The following SHCBP1 variants were observed in gnomAD, a reference collection of about 807,000 sequenced individuals.
SHCBP1 encodes SHC binding and spindle associated 1.
SHCBP1 carries 60 observed loss-of-function variants against 75.1 expected under a neutral mutation model. That is an observed-to-expected ratio of 0.80 (90% CI 0.65 to 0.99). SHCBP1 has a LOEUF of 0.99. Among genes scored for constraint, SHCBP1 ranks in the 50% least tolerant of loss-of-function variants. The probability of loss-of-function intolerance (pLI) is 0.00; values close to 1 mark genes in which losing one functional copy is unlikely to be tolerated. For synonymous variants in SHCBP1, 290 were observed against 293.2 expected (o/e 0.99, Z 0.11); for missense variants, 709 against 809.4 (o/e 0.88, Z 1.50).
In SHCBP1 at chr16:46,579,190, A is replaced by G. The variant is rs1964834890; in HGVS notation, c.*2539T>C. 6.6e-6 allele frequency among the ~76,000 whole-genome samples: 1 copy of G among 152,202 alleles called. No homozygotes were observed. Among genetic ancestry groups the G allele is most frequent in the Non-Finnish European group, 1.5e-5 (1 of 68,032 alleles). On this transcript the variant is annotated 3_prime_UTR_variant, in exon 13 of 13. Transcript: ENST00000303383. ...ACTAAGAGTGGACCATAAGGACAGG[A>G]CACACAATTAGTCAACACAGAAGGC...
chr16:46,581,835 A>G lies in SHCBP1; in HGVS notation c.1913T>C (p.Ile638Thr). The G allele has an allele frequency of 6.2e-7, 1 of 1,614,158 alleles. No individual in the cohort carries two copies. Residue 638 changes from isoleucine to threonine, a missense_variant, in exon 13 of 13, where the codon ATC becomes ACC. Ile to Thr is a moderately conservative substitution (Grantham distance 89). Coordinates refer to ENST00000303383, the MANE Select transcript of SHCBP1 (RefSeq NM_024745.5). ...IKKKRLSELG[I>T]TQADDNLMSQ... Reference sequence around the variant, plus strand: ...CATTAAGTTGTCATCAGCTTGCGTGATCCCCAGTTCACTCAACCTTTTCTT... The same window carrying G: ...CATTAAGTTGTCATCAGCTTGCGTGGTCCCCAGTTCACTCAACCTTTTCTT...
In SHCBP1 at chr16:46,609,609, G is replaced by A. The variant is rs112797488; in HGVS notation, c.597-1220C>T. Among the ~76,000 whole-genome samples, 492 of 151,714 alleles carry A rather than the reference G, an allele frequency of 3.2e-3. 2 individuals carry two copies. Among genetic ancestry groups the A allele is most frequent in the Non-Finnish European group, 5.5e-3 (376 of 67,904 alleles). ...TGGGATTACAGGCAACCGCCACCACGCCTGGCTTATTTTTGTACTTTTAGT... is the reference window on the plus strand; with the variant it reads ...TGGGATTACAGGCAACCGCCACCACACCTGGCTTATTTTTGTACTTTTAGT... On this transcript the variant is annotated intron_variant, in intron 4 of 12. Transcript: ENST00000303383.
intron 3 of SHCBP1, 24 bp downstream of exon 3, chr16:46,617,610 G>T (rs368073944): frequency 2.5e-6 from 4 of 1,584,432 alleles, no homozygotes; most frequent in Non-Finnish European, 2.6e-6. Flanking sequence ...AGAGACAAAG[G>T]TCTAATAACA....
At chr16:46,584,527 T>C (rs1964926756) in intron 10 of SHCBP1, among the ~76,000 whole-genome samples, 1 of 152,162 alleles carries the variant, frequency 6.6e-6, no homozygotes, top group Non-Finnish European at 1.5e-5. Context: ...AATTTGAGGA[T>C]AGAAACAAGA....
At chr16:46,594,652 A>G (rs1248485900) in intron 10 of SHCBP1, among the ~76,000 whole-genome samples, 1 of 152,196 alleles carries the variant, frequency 6.6e-6, no homozygotes, top group Non-Finnish European at 1.5e-5. Flanking sequence ...GTAGGATGGT[A>G]CAACTACTCT....
At chr16:46,595,509 A>C in intron 10 of SHCBP1, 43 bp downstream of exon 10, 1 of 1,458,738 alleles carries the variant, frequency 6.9e-7, no homozygotes. Flanking sequence ...TTCATTTACA[A>C]CTTAAACACA....
intron 4 of SHCBP1, among the ~76,000 whole-genome samples, chr16:46,610,208 C>G (rs1965387559): frequency 2.0e-5 from 3 of 152,098 alleles, no homozygotes; most frequent in Admixed American, 2.0e-4. Flanking sequence ...TTCAGTCTCC[C>G]AAATATACTG....
chr16:46,619,856 G>A (rs1965558250), intron 1 of SHCBP1, among the ~76,000 whole-genome samples: 1 of 152,128 alleles, frequency 6.6e-6, no homozygotes, highest in African/African-American at 2.4e-5. Flanking sequence ...CCAACAGGGT[G>A]AAACCCCGTC....
At chr16:46,605,924 C>A (rs183876364) in intron 5 of SHCBP1, among the ~76,000 whole-genome samples, 80 of 149,230 alleles carry the variant, frequency 5.4e-4, no homozygotes, top group African/African-American at 1.8e-3. Context: ...AGGATTTTGT[C>A]TACTTTGGTT....
chr16:46,581,557 G>A lies in SHCBP1; in HGVS notation c.*172C>T. 1.7e-6 allele frequency: 1 copy of A among 584,482 alleles called. No homozygotes were observed. The highest frequency in any genetic ancestry group is 3.0e-6 in the Non-Finnish European group (1 of 337,644). 36.2% of individuals were successfully genotyped at this position (584,482 alleles called of 1,614,324 possible). A position where few individuals can be genotyped will look rare whatever the true frequency, so the allele number is the denominator to read the frequency against. On this transcript the variant is annotated 3_prime_UTR_variant, in exon 13 of 13. Coordinates refer to ENST00000303383, the MANE Select transcript of SHCBP1 (RefSeq NM_024745.5). ...ATGCATTTATGATTTTTCTTATAAA[G>A]AGGGAGTGTTTTATGTGCAACACCT... is the stretch of plus-strand genomic sequence containing the variant.
chr16:46,583,537 T>A lies in SHCBP1; in HGVS notation c.1672A>T (p.Asn558Tyr). Residue 558 changes from asparagine to tyrosine, a missense_variant, in exon 12 of 13, where the codon AAT (asparagine) becomes TAT (tyrosine). Coordinates refer to ENST00000303383, the MANE Select transcript of SHCBP1 (RefSeq NM_024745.5). ...KPTIFSDLQE[N>Y]AEDGTEENKA... is the part of the protein sequence containing the mutation. Reference sequence around the variant, plus strand: ...ATACCTTCAGTTCCATCTTCAGCATTTTCTTGCAGGTCAGAGAAGATTGTA... The same window carrying A: ...ATACCTTCAGTTCCATCTTCAGCATATTCTTGCAGGTCAGAGAAGATTGTA... 6.3e-7 allele frequency: 1 copy of A among 1,599,482 alleles called. No individual in the cohort carries two copies.
chr16:46,607,283 A>G (rs1965340434), intron 5 of SHCBP1, among the ~76,000 whole-genome samples: 1 of 152,096 alleles, frequency 6.6e-6, no homozygotes, highest in African/African-American at 2.4e-5. Context: ...TGAGCCCAGG[A>G]GATTGAGGCT....
At chr16:46,609,437 CTTTTCT>C (rs1191593813) in intron 4 of SHCBP1, among the ~76,000 whole-genome samples, 9 of 116,712 alleles carry the variant, frequency 7.7e-5, no homozygotes, top group Admixed American at 1.9e-4. Context: ...CCACACTTTT[CTTTTCT>C]TTTTTTTTTT....
intron 2 of SHCBP1, 43 bp downstream of exon 2, chr16:46,618,162 G>T: frequency 1.3e-6 from 2 of 1,548,860 alleles, no homozygotes; most frequent in Non-Finnish European, 1.7e-6. Flanking sequence ...GACAACAAGA[G>T]CGAAACTCCA....
intron 4 of SHCBP1, among the ~76,000 whole-genome samples, chr16:46,615,664 C>A (rs945588921): frequency 6.6e-6 from 1 of 152,062 alleles, no homozygotes; most frequent in Non-Finnish European, 1.5e-5. Flanking sequence ...TGCTTGAACC[C>A]AGGAGGCGGA....
At chr16:46,595,505 T>C (rs772882846) in intron 10 of SHCBP1, 47 bp downstream of exon 10, 249 of 1,423,454 alleles carry the variant, frequency 1.7e-4, no homozygotes, top group Non-Finnish European at 2.4e-4. Flanking sequence ...TATATTCATT[T>C]ACAACTTAAA....
chr16:46,583,120 C>T (rs1466537242), intron 12 of SHCBP1, among the ~76,000 whole-genome samples: 1 of 152,158 alleles, frequency 6.6e-6, no homozygotes, highest in Non-Finnish European at 1.5e-5. Flanking sequence ...TCACTGTCTC[C>T]AGCCTTAACA....
intron 10 of SHCBP1, among the ~76,000 whole-genome samples, chr16:46,593,531 G>A (rs1390694313): frequency 1.3e-5 from 2 of 152,110 alleles, no homozygotes; most frequent in African/African-American, 4.8e-5. Flanking sequence ...AGGAGTTGGA[G>A]AACAGCCTAG....
chr16:46,583,807 G>T (rs984594550), intron 11 of SHCBP1, 150 bp from the exon 12 acceptor site: 4 of 1,010,394 alleles, frequency 4.0e-6, no homozygotes, highest in Admixed American at 2.8e-5. Context: ...TAGTGACACA[G>T]CTTTCCTCTG....
Sources: allele counts gnomAD v4.1 joint callset (sites outside exome capture counted in the v4.1 genomes callset), GRCh38; gene constraint gnomAD v4.1.1; transcripts MANE v1.5; gene names NCBI Gene and HGNC (gene_info 2026-07-23, HGNC 2026-07-21).